The following VIPAS39 variants were observed in gnomAD, a reference collection of about 807,000 sequenced individuals.
VIPAS39 encodes the protein VPS33B interacting protein, apical-basolateral polarity regulator, spe-39 homolog, also known as spermatogenesis-defective protein 39 homolog.
In VIPAS39, 63 loss-of-function variants were observed where a neutral mutation model predicts 84.7. The observed-to-expected ratio is 0.74, with a 90% CI of 0.61 to 0.92. VIPAS39 has a LOEUF of 0.92. Ranked by LOEUF, VIPAS39 falls within the 40% of genes least tolerant of loss-of-function variation. The pLI is 0.00. For synonymous variants in VIPAS39, 192 were observed against 216.5 expected (o/e 0.89, Z 0.99); for missense variants, 499 against 604.5 (o/e 0.83, Z 1.83).
At chr14:77,432,115 GC>G (rs1168653512) in intron 16 of VIPAS39, among the ~76,000 whole-genome samples, 1 of 152,010 alleles carries the variant, frequency 6.6e-6, no homozygotes, top group Non-Finnish European at 1.5e-5. Context: ...AGCTGTTTTT[GC>G]CACAAAAAAA....
chr14:77,442,639 C>A lies in VIPAS39; in HGVS notation c.655G>T (p.Val219Leu). ...SKEILFRELE[V>L]RQVALRHLIH... ...AGATGTCTCAGGGCAACCTGTCGCA[C>A]CTCCAGCTCTCGGAAGAGGATCTCT... is the stretch of plus-strand genomic sequence containing the variant. The change falls in exon 10 of 20, where the codon GTG (valine) becomes TTG (leucine). Residue 219 changes from valine (V) to leucine (L), a missense_variant. Transcript: ENST00000557658. 1.9e-6 allele frequency: 3 copies of A among 1,614,200 alleles called. No homozygotes were observed. The highest frequency in any genetic ancestry group is 2.7e-5 in the African/African-American group (2 of 75,052).
intron 7 of VIPAS39, among the ~76,000 whole-genome samples, chr14:77,444,678 T>A (rs2078758298): frequency 6.6e-6 from 1 of 151,920 alleles, no homozygotes; most frequent in Non-Finnish European, 1.5e-5. Flanking sequence ...GTTCACACCA[T>A]TCTCCTGCCT....
At chr14:77,449,863 A>C in intron 4 of VIPAS39, 111 bp from the exon 5 acceptor site, 46 of 1,248,076 alleles carry the variant, frequency 3.7e-5, no homozygotes, top group Middle Eastern at 1.9e-4. Context: ...ATAGGAACTT[A>C]AGGCTTAAAA....
intron 10 of VIPAS39, among the ~76,000 whole-genome samples, chr14:77,441,778 C>T (rs185569241): frequency 1.8e-3 from 270 of 152,320 alleles, no homozygotes; most frequent in Non-Finnish European, 2.7e-3. Flanking sequence ...CACTGGATAT[C>T]AGTCACCTTG....
chr14:77,432,591 A>G (rs2078540428), intron 16 of VIPAS39, among the ~76,000 whole-genome samples: 1 of 152,224 alleles, frequency 6.6e-6, no homozygotes, highest in Non-Finnish European at 1.5e-5. Context: ...TTCAGAACTT[A>G]AAAAATAAGG....
At chr14:77,430,165 T>C (rs2078498594) in intron 16 of VIPAS39, among the ~76,000 whole-genome samples, 1 of 152,166 alleles carries the variant, frequency 6.6e-6, no homozygotes, top group Admixed American at 6.5e-5. Context: ...TTTAACAGTG[T>C]TTGCCTTGAG....
At position 77,453,924 on chromosome 14, in the gene VIPAS39, C is replaced by A; in HGVS notation, c.93+86G>T. 4 of 1,323,506 alleles carry A rather than the reference C, an allele frequency of 3.0e-6. No homozygotes were observed. The South Asian group carries it at 3.6e-5, about 12-fold the overall frequency. 82.0% of individuals were successfully genotyped at this position (1,323,506 alleles called of 1,614,324 possible). On this transcript the variant is annotated intron_variant, in intron 2 of 19. Transcript: ENST00000557658. Reference sequence around the variant, plus strand: ...TGAGCCTAATGAAGACATACATGGTCAAAAGCCTAGTTACCCAGAATGCAA... The same window carrying A: ...TGAGCCTAATGAAGACATACATGGTAAAAAGCCTAGTTACCCAGAATGCAA...
At chr14:77,457,353 AG>A (rs1157040226) in intron 1 of VIPAS39, 141 bp downstream of exon 1, 1 of 1,535,678 alleles carries the variant, frequency 6.5e-7, no homozygotes, top group Admixed American at 2.0e-5. Context: ...CCAGCGCCCA[AG>A]GGTCGCCCTG....
chr14:77,442,419 T>C, intron 10 of VIPAS39, 141 bp downstream of exon 10: 1 of 781,710 alleles, frequency 1.3e-6, no homozygotes, highest in East Asian at 2.5e-5. Context: ...GTACTGCTAG[T>C]TATCCCCTCA....
Position 77,451,257 on chromosome 14 carries a change from T to G in VIPAS39, c.273A>C (p.Arg91=). Residue 91 remains arginine (R), a synonymous_variant, in exon 4 of 20, where the codon CGA becomes CGC. Transcript: ENST00000557658. ...THEGREQLKS[R]NSFSSYAQLP... Reference sequence around the variant, plus strand: ...GTTGTGCATAGGAGGAGAAGCTGTTTCGGCTCTTTAGCTGTTCACGCCCCT... The same window carrying G: ...GTTGTGCATAGGAGGAGAAGCTGTTGCGGCTCTTTAGCTGTTCACGCCCCT... 6.2e-7 allele frequency: 1 copy of G among 1,614,214 alleles called. No homozygotes were observed. The highest frequency in any genetic ancestry group is 1.1e-5 in the South Asian group (1 of 91,084).
intron 16 of VIPAS39, among the ~76,000 whole-genome samples, chr14:77,433,187 A>T (rs2078550546): frequency 6.6e-6 from 1 of 152,104 alleles, no homozygotes; most frequent in Non-Finnish European, 1.5e-5. Context: ...AAATTTTTTT[A>T]GTGATAATTA....
chr14:77,449,780 A>T, intron 4 of VIPAS39, 28 bp from the exon 5 acceptor site: 1 of 1,613,980 alleles, frequency 6.2e-7, no homozygotes, highest in East Asian at 2.2e-5. Flanking sequence ...AAGAGGGAAA[A>T]GGTCAACAGT....
chr14:77,429,869 AG>A, intron 16 of VIPAS39, 102 bp from the exon 17 acceptor site: 1 of 1,012,754 alleles, frequency 9.9e-7, no homozygotes, highest in Non-Finnish European at 1.6e-6. Context: ...GTGGTGGGTG[AG>A]TGGGGGTGCT....
At chr14:77,445,045 G>A (rs559573149) in intron 7 of VIPAS39, among the ~76,000 whole-genome samples, 2 of 150,822 alleles carry the variant, frequency 1.3e-5, no homozygotes, top group South Asian at 2.1e-4. Context: ...TGCAAGCCCC[G>A]CTTCCCGGGT....
chr14:77,451,440 G>A (rs912017092), intron 3 of VIPAS39, 107 bp from the exon 4 acceptor site: 41 of 1,525,912 alleles, frequency 2.7e-5, no homozygotes, highest in Non-Finnish European at 3.5e-5. Flanking sequence ...CTGGTCCCTT[G>A]GCCAACTTGG....
At chr14:77,439,880 G>A (rs1278465667) in intron 11 of VIPAS39, among the ~76,000 whole-genome samples, 1 of 152,090 alleles carries the variant, frequency 6.6e-6, no homozygotes, top group Non-Finnish European at 1.5e-5. Context: ...TATCACAAAT[G>A]TGTTGTACAA....
At chr14:77,429,597 G>A (rs568082656) in intron 17 of VIPAS39, 84 bp downstream of exon 17, 265 of 1,353,640 alleles carry the variant, frequency 2.0e-4, no homozygotes, top group South Asian at 1.2e-3. Flanking sequence ...AGAGCAGATC[G>A]GGTCTCCCAT....
intron 16 of VIPAS39, among the ~76,000 whole-genome samples, chr14:77,430,023 T>C (rs562956322): frequency 6.6e-6 from 1 of 152,338 alleles, no homozygotes; most frequent in Non-Finnish European, 1.5e-5. Flanking sequence ...CTAAATGGGA[T>C]AAGTAACTTA....
At chr14:77,450,511 G>GTTAT (rs1410686899) in intron 4 of VIPAS39, among the ~76,000 whole-genome samples, 10 of 152,156 alleles carry the variant, frequency 6.6e-5, no homozygotes, top group African/African-American at 2.4e-4. Flanking sequence ...TAGATCATAT[G>GTTAT]TTATTTATTT....
Sources: allele counts gnomAD v4.1 joint callset (sites outside exome capture counted in the v4.1 genomes callset), GRCh38; gene constraint gnomAD v4.1.1; transcripts MANE v1.5; gene names NCBI Gene and HGNC (gene_info 2026-07-23, HGNC 2026-07-21).